Variants in WWC1 observed in about 807,000 individuals in gnomAD.
WWC1 encodes the protein WW and C2 domain containing 1, also known as protein KIBRA.
Under a neutral mutation model 138.4 loss-of-function variants are expected in WWC1, and 55 were observed. The ratio of observed to expected loss-of-function variants is 0.40; its 90% CI spans 0.32 to 0.50. The LOEUF is 0.50. WWC1 is among the 20% of genes least tolerant of loss of function. The probability of loss-of-function intolerance (pLI) is 0.72; values close to 1 mark genes in which losing one functional copy is unlikely to be tolerated. For synonymous variants in WWC1, 524 were observed against 564.9 expected (o/e 0.93, Z 1.03); for missense variants, 1,226 against 1,420.4 (o/e 0.86, Z 2.20).
chr5:168,454,118 G>C lies in WWC1; in HGVS notation c.2658+18G>C, dbSNP rs778567054. The C allele has an allele frequency of 6.2e-7, 1 of 1,608,128 alleles. No homozygotes were observed. The highest frequency in any genetic ancestry group is 8.5e-7 in the Non-Finnish European group (1 of 1,178,266). On this transcript the variant is annotated intron_variant, in intron 18 of 22. Transcript: ENST00000265293. Reference sequence around the variant, plus strand: ...CATTAAAGGTAGGAAGGGCTGGGGGGATAGAAGGGCTGTCGTGGGGAAGGA... The same window carrying C: ...CATTAAAGGTAGGAAGGGCTGGGGGCATAGAAGGGCTGTCGTGGGGAAGGA...
chr5:168,335,988 C>A lies in WWC1; in HGVS notation c.120-35436C>A, dbSNP rs191718546. Among the ~76,000 whole-genome samples the A allele has an allele frequency of 2.1e-4, 32 of 152,300 alleles. No homozygotes were observed. The East Asian group carries it at 5.8e-3, about 28-fold the overall frequency. The stretch of plus-strand genomic sequence containing the variant: ...TTGTCCTCTCTGGTCCTCGTTTCCT[C>A]ATCTATAAAAGCAGGACATTGGACG... On this transcript the variant is annotated intron_variant, in intron 1 of 22. Coordinates refer to ENST00000265293, the MANE Select transcript of WWC1 (RefSeq NM_015238.3).
At position 168,408,676 on chromosome 5, in the gene WWC1, T is replaced by TGGGG; in HGVS notation, c.867+25_867+28dup. The TGGGG allele has an allele frequency of 2.5e-6, 4 of 1,612,938 alleles. No homozygotes were observed. In the East Asian group the frequency reaches 8.9e-5, roughly 36 times the overall value. ...AGCGTGAGTAGACGGGGCAGGTTGC[T>TGGGG]GGGGGCCTTCCACAGGATGGCAGCT... On this transcript the variant is annotated intron_variant, in intron 7 of 22. Transcript: ENST00000265293.
intron 15 of WWC1, among the ~76,000 whole-genome samples, chr5:168,433,726 C>T (rs544639024): frequency 7.2e-5 from 11 of 152,102 alleles, no homozygotes; most frequent in Non-Finnish European, 1.0e-4. Flanking sequence ...TTAGTAGAGG[C>T]GGGGTTTTGC....
chr5:168,453,511 T>A (rs765766326), intron 17 of WWC1, among the ~76,000 whole-genome samples: 44 of 152,232 alleles, frequency 2.9e-4, no homozygotes, highest in Middle Eastern at 3.4e-3. Context: ...TGGCCAAAAC[T>A]CATCAAACTA....
rs1215542434 is a variant in WWC1 at position 168,291,903 on chromosome 5, G to T, written c.-250G>T. 1.1e-5 allele frequency: 2 copies of T among 182,412 alleles called. No homozygotes were observed. Among genetic ancestry groups the T allele is most frequent in the East Asian group, 2.9e-4 (2 of 6,936 alleles). The allele number at this position is 182,412 out of a possible 1,614,324, so 11.3% of individuals were successfully genotyped here. On this transcript the variant is annotated 5_prime_UTR_variant, in exon 1 of 23. Coordinates refer to ENST00000265293, the MANE Select transcript of WWC1 (RefSeq NM_015238.3). ...CGCGCACCCGGGCTCGCACCGCGCCGCTGCGGACGCACATGGCAGCGTGAG... is the reference window on the plus strand; with the variant it reads ...CGCGCACCCGGGCTCGCACCGCGCCTCTGCGGACGCACATGGCAGCGTGAG...
chr5:168,322,868 A>G (rs1772227528), intron 1 of WWC1, among the ~76,000 whole-genome samples: 1 of 152,226 alleles, frequency 6.6e-6, no homozygotes, highest in Admixed American at 6.5e-5. Flanking sequence ...TCTCAAGAAG[A>G]TTAAGCTGAT....
intron 5 of WWC1, among the ~76,000 whole-genome samples, chr5:168,405,272 G>A (rs927896264): frequency 2.0e-5 from 3 of 152,082 alleles, no homozygotes; most frequent in East Asian, 1.9e-4. Context: ...ATTTTGCTCC[G>A]TCTCCCTCAA....
At chr5:168,457,770 C>A (rs1338077396) in intron 19 of WWC1, among the ~76,000 whole-genome samples, 1 of 152,244 alleles carries the variant, frequency 6.6e-6, no homozygotes, top group Non-Finnish European at 1.5e-5. Flanking sequence ...ATTTATGCCT[C>A]CACCAGGTTC....
In WWC1 at chr5:168,469,685, A is replaced by G. The variant is rs796945403; in HGVS notation, c.*668A>G. 6.6e-6 allele frequency: 1 copy of G among 152,224 alleles called. No individual in the cohort carries two copies. Among genetic ancestry groups the G allele is most frequent in the African/African-American group, 2.4e-5 (1 of 41,406 alleles). The allele number at this position is 152,224 out of a possible 1,614,324, so 9.4% of individuals were successfully genotyped here. A position where few individuals can be genotyped will look rare whatever the true frequency, so the allele number is the denominator to read the frequency against. ...TCTCAGATGCCCAGTGAAGCCACTA[A>G]CATGAGTGAGGGGAGGGCTGTGGGG... On this transcript the variant is annotated 3_prime_UTR_variant, in exon 23 of 23. Coordinates refer to ENST00000265293, the MANE Select transcript of WWC1 (RefSeq NM_015238.3).
At chr5:168,448,866 AC>A (rs1482721830) in intron 17 of WWC1, among the ~76,000 whole-genome samples, 2 of 151,792 alleles carry the variant, frequency 1.3e-5, no homozygotes, top group African/African-American at 2.4e-5. Context: ...TGATCTGCCC[AC>A]CTCCACCTCC....
At chr5:168,310,306 G>GT (rs1159199531) in intron 1 of WWC1, among the ~76,000 whole-genome samples, 4 of 151,504 alleles carry the variant, frequency 2.6e-5, no homozygotes, top group Admixed American at 6.6e-5. Flanking sequence ...AGATTTACCA[G>GT]TTTTTTTGCG....
chr5:168,313,560 C>T (rs1019400785), intron 1 of WWC1, among the ~76,000 whole-genome samples: 10 of 151,036 alleles, frequency 6.6e-5, no homozygotes, highest in African/African-American at 2.4e-4. Flanking sequence ...CACTGCACTC[C>T]AGCCTGGGTG....
chr5:168,297,736 CTT>C (rs752530320), intron 1 of WWC1, among the ~76,000 whole-genome samples: 15 of 150,522 alleles, frequency 1.0e-4, no homozygotes, highest in Admixed American at 3.3e-4. Context: ...TCTTTTTTCT[CTT>C]TCTCTTATAT....
intron 17 of WWC1, among the ~76,000 whole-genome samples, chr5:168,453,013 C>T (rs1755972047): frequency 6.6e-6 from 1 of 152,158 alleles, no homozygotes; most frequent in Non-Finnish European, 1.5e-5. Context: ...TCGCTTGAGC[C>T]CAGTAGTTTG....
At chr5:168,307,039 A>G (rs1297727267) in intron 1 of WWC1, among the ~76,000 whole-genome samples, 2 of 152,250 alleles carry the variant, frequency 1.3e-5, no homozygotes, top group Middle Eastern at 3.2e-3. Flanking sequence ...TATAGATCGC[A>G]GCCTGTGGAC....
chr5:168,421,811 G>GAT (rs147421621), intron 9 of WWC1, among the ~76,000 whole-genome samples, 197 bp from the exon 10 acceptor site: 130 of 151,474 alleles, frequency 8.6e-4, no homozygotes, highest in East Asian at 7.1e-3. Context: ...CAGAGTGCCT[G>GAT]ATATATATAT....
At chr5:168,468,830 G>T in intron 22 of WWC1, 121 bp from the exon 23 acceptor site, 1 of 1,024,636 alleles carries the variant, frequency 9.8e-7, no homozygotes, top group Non-Finnish European at 1.5e-6. Context: ...GGCCAAGGAC[G>T]TTGCTAAACA....
At position 168,465,548 on chromosome 5, in the gene WWC1, C is replaced by CTTTTTTTTTTTTTTTTTTT. The variant is rs10527141; in HGVS notation, c.3150+596_3150+614dup. Among the ~76,000 whole-genome samples, 156 of 46,950 alleles carry CTTTTTTTTTTTTTTTTTTT rather than the reference C, an allele frequency of 3.3e-3. 72 individuals are homozygous for CTTTTTTTTTTTTTTTTTTT. The highest frequency in any genetic ancestry group is 6.0e-3 in the African/African-American group (71 of 11,930). The allele number at this position is 46,950 out of a possible 152,430, so 30.8% of individuals were successfully genotyped here. A position where few individuals can be genotyped will look rare whatever the true frequency, so the allele number is the denominator to read the frequency against. On this transcript the variant is annotated intron_variant, in intron 21 of 22. Coordinates refer to ENST00000265293, the MANE Select transcript of WWC1 (RefSeq NM_015238.3). The stretch of plus-strand genomic sequence containing the variant: ...CACACAAAGTTTTATATCAGCTGGG[C>CTTTTTTTTTTTTTTTTTTT]TTTTTTTTTTTTTTTTTTTTTTTTT...
rs1316316311 is a variant in WWC1, at chr5:168,468,378, G to A, written c.3275+414G>A. ...GGTGCTATCTTGCCATGCTGGACCC[G>A]GGTGTATTCTCGGAGGGTCCCGAAT... On this transcript the variant is annotated intron_variant, in intron 22 of 22. Transcript: ENST00000265293. Among the ~76,000 whole-genome samples, 6 of 152,072 alleles carry A rather than the reference G, an allele frequency of 3.9e-5. No homozygotes were observed. The East Asian group carries it at 5.8e-4, about 15-fold the overall frequency.
Sources: allele counts gnomAD v4.1 joint callset (sites outside exome capture counted in the v4.1 genomes callset), GRCh38; gene constraint gnomAD v4.1.1; transcripts MANE v1.5; gene names NCBI Gene and HGNC (gene_info 2026-07-23, HGNC 2026-07-21).